The following SWI5 variants were observed in gnomAD, a reference collection of about 807,000 sequenced individuals.
The protein encoded by SWI5 is DNA repair protein SWI5 homolog.
A neutral mutation model predicts 17.0 loss-of-function variants in SWI5; 12 were observed. The ratio of observed to expected loss-of-function variants is 0.71; its 90% CI spans 0.45 to 1.14. The LOEUF is 1.14. Among genes scored for constraint, SWI5 ranks in the 50% most tolerant of loss-of-function variants. The pLI, the probability that SWI5 is intolerant of heterozygous loss-of-function variation, is 0.00. For synonymous variants in SWI5, 61 were observed against 64.0 expected (o/e 0.95, Z 0.22); for missense variants, 158 against 162.2 (o/e 0.97, Z 0.14).
At chr9:128,287,116 G>C (rs1337323473) in intron 4 of SWI5, among the ~76,000 whole-genome samples, 1 of 144,272 alleles carries the variant, frequency 6.9e-6, no homozygotes, top group African/African-American at 2.7e-5. Context: ...ACTCCAGCCT[G>C]GGCAACAGGA....
intron 2 of SWI5, among the ~76,000 whole-genome samples, chr9:128,279,997 G>A (rs1174855365): frequency 6.6e-6 from 1 of 152,118 alleles, no homozygotes; most frequent in African/African-American, 2.4e-5. Flanking sequence ...TATATTAGTA[G>A]TGCAACAAGG....
chr9:128,275,371 G>C, upstream of SWI5: 1 of 1,279,430 alleles, frequency 7.8e-7, no homozygotes, highest in Admixed American at 3.9e-5. Flanking sequence ...CACTCCTAGG[G>C]GGAACATCAG....
intron 2 of SWI5, among the ~76,000 whole-genome samples, chr9:128,277,853 TTC>T (rs2131414391): frequency 6.6e-6 from 1 of 152,222 alleles, no homozygotes; most frequent in African/African-American, 2.4e-5. Flanking sequence ...CTGATTGAGC[TTC>T]TCTCTGCAAG....
At chr9:128,282,749 A>G (rs976566673) in intron 2 of SWI5, among the ~76,000 whole-genome samples, 3 of 152,212 alleles carry the variant, frequency 2.0e-5, no homozygotes, top group Non-Finnish European at 4.4e-5. Flanking sequence ...CCCTTCTTGT[A>G]TCATGTGTAG....
rs922511005 is a variant in SWI5, at chr9:128,276,765, T to A, written c.111+10T>A. 1 of 1,604,958 alleles carries A rather than the reference T, an allele frequency of 6.2e-7. No individual in the cohort carries two copies. ...GGCCTTCCGATCCCCTGTGAGTATTTCTTCCCCCACACCCCCTTTCCCATC... is the reference window on the plus strand; with the variant it reads ...GGCCTTCCGATCCCCTGTGAGTATTACTTCCCCCACACCCCCTTTCCCATC... On this transcript the variant is annotated intron_variant, in intron 2 of 4. Transcript: ENST00000418976.
intron 2 of SWI5, chr9:128,278,767 G>T (rs953019457): frequency 7.0e-6 from 3 of 428,576 alleles, no homozygotes; most frequent in African/African-American, 4.3e-5. Context: ...AGTTGTTTTT[G>T]GTTTTTTTTG....
upstream of SWI5, chr9:128,276,072 C>G: frequency 1.9e-6 from 3 of 1,577,004 alleles, no homozygotes; most frequent in Middle Eastern, 1.8e-4. Context: ...TACTGGAGCG[C>G]AGAATGGGGG....
At chr9:128,276,235 G>C (rs889661002), upstream of SWI5, 3 of 1,612,326 alleles carry the variant, frequency 1.9e-6, no homozygotes, top group Admixed American at 3.3e-5. Flanking sequence ...AGAGGGGCGG[G>C]GCCGGCTTTC....
upstream of SWI5, chr9:128,276,085 T>TGGC: frequency 6.4e-7 from 1 of 1,571,306 alleles, no homozygotes; most frequent in Non-Finnish European, 8.6e-7. Context: ...AATGGGGGCG[T>TGGC]GGCCTCAAAG....
intron 2 of SWI5, among the ~76,000 whole-genome samples, chr9:128,277,520 C>T (rs1370432906): frequency 6.6e-6 from 1 of 152,244 alleles, no homozygotes; most frequent in Non-Finnish European, 1.5e-5. Context: ...CACCACTGCA[C>T]TCCAGCCTGG....
rs374353743 is a variant in SWI5 at position 128,276,312 on chromosome 9, A to G, written c.-29A>G. 2.4e-5 allele frequency: 38 copies of G among 1,612,738 alleles called. No homozygotes were observed. The highest frequency in any genetic ancestry group is 3.1e-5 in the Non-Finnish European group (36 of 1,179,550). On this transcript the variant is annotated 5_prime_UTR_variant, in exon 1 of 5. Coordinates refer to ENST00000418976, the Ensembl canonical transcript of SWI5. ...CGGGTCAGAGTTCCTGGCCCGGTGC[A>G]CCTGAGAGGTCGCTCTCCGACTCCC...
chr9:128,287,452 CA>C (rs1331481026), intron 4 of SWI5, among the ~76,000 whole-genome samples: 265 of 105,566 alleles, frequency 2.5e-3, no homozygotes, highest in Middle Eastern at 6.5e-3. Flanking sequence ...GACTCCATCT[CA>C]AAAAAAAAAA....
At chr9:128,278,113 T>C (rs1831467859) in intron 2 of SWI5, among the ~76,000 whole-genome samples, 1 of 152,052 alleles carries the variant, frequency 6.6e-6, no homozygotes. Context: ...CCATGACGCC[T>C]GGCTAATTTT....
At chr9:128,283,598 C>T (rs1475788964) in intron 2 of SWI5, among the ~76,000 whole-genome samples, 1 of 152,212 alleles carries the variant, frequency 6.6e-6, no homozygotes, top group Non-Finnish European at 1.5e-5. Flanking sequence ...GGGACAAGGG[C>T]AGGCCCATTA....
At chr9:128,288,653 T>C (rs760051635) in exon 5 of SWI5, 28 of 1,614,030 alleles carry the variant, frequency 1.7e-5, no homozygotes, top group Non-Finnish European at 2.4e-5. Flanking sequence ...TCCTTTCAGC[T>C]GTGATCCGAG....
exon 3 of SWI5, chr9:128,284,597 A>T (rs767882775): frequency 6.2e-7 from 1 of 1,613,860 alleles, no homozygotes; most frequent in Non-Finnish European, 8.5e-7. Context: ...GAAGAGGGAC[A>T]TGCTGGACAA....
Position 128,283,780 on chromosome 9 carries a change from C to T in SWI5, c.112-730C>T, listed in dbSNP as rs117974120. ...AGCACTGCATCCACATTCCAGCCAGCGGGAAGGGAGACGGCCAGAGAAAGG... is the reference window on the plus strand; with the variant it reads ...AGCACTGCATCCACATTCCAGCCAGTGGGAAGGGAGACGGCCAGAGAAAGG... On this transcript the variant is annotated intron_variant, in intron 2 of 4. Transcript: ENST00000418976. Among the ~76,000 whole-genome samples, 11 of 152,244 alleles carry T rather than the reference C, an allele frequency of 7.2e-5. No individual in the cohort carries two copies. In the East Asian group the frequency reaches 1.2e-3, roughly 16 times the overall value.
intron 1 of SWI5, 68 bp from the exon 2 acceptor site, chr9:128,276,639 C>T: frequency 2.5e-6 from 4 of 1,613,670 alleles, no homozygotes; most frequent in Non-Finnish European, 3.4e-6. Flanking sequence ...CTCCCGCATC[C>T]CCACAGTACC....
chr9:128,281,449 A>C (rs181138806), intron 2 of SWI5, among the ~76,000 whole-genome samples: 1 of 152,112 alleles, frequency 6.6e-6, no homozygotes, highest in Non-Finnish European at 1.5e-5. Context: ...GCCAAGCTAA[A>C]GCCTGCTCAT....
Sources: allele counts gnomAD v4.1 joint callset (sites outside exome capture counted in the v4.1 genomes callset), GRCh38; gene constraint gnomAD v4.1.1; transcripts MANE v1.5; gene names NCBI Gene and HGNC (gene_info 2026-07-23, HGNC 2026-07-21).